The following ZMYM6 variants were observed in gnomAD, a reference collection of about 807,000 sequenced individuals.
ZMYM6 encodes the protein zinc finger MYM-type protein 6.
ZMYM6 carries 90 observed loss-of-function variants against 134.0 expected under a neutral mutation model. The ratio of observed to expected loss-of-function variants is 0.67; its 90% confidence interval spans 0.57 to 0.80. The LOEUF (loss-of-function observed/expected upper bound fraction) is 0.80. ZMYM6 is among the 30% of genes least tolerant of loss of function. The pLI is 0.00. For synonymous variants in ZMYM6, 481 were observed against 524.1 expected (o/e 0.92, Z 1.12); for missense variants, 1,362 against 1,533.9 (o/e 0.89, Z 1.87).
chr1:35,005,341 A>C, intron 12 of ZMYM6, 69 bp from the exon 13 acceptor site: 20 of 1,505,406 alleles, frequency 1.3e-5, no homozygotes, highest in Non-Finnish European at 1.7e-5. Context: ...ACTCACACTC[A>C]CACACAAAAC....
chr1:34,990,911 T>C (rs951792074), intron 15 of ZMYM6, among the ~76,000 whole-genome samples: 3 of 152,118 alleles, frequency 2.0e-5, no homozygotes, highest in East Asian at 1.9e-4. Flanking sequence ...GTTGCCCAGG[T>C]TGGAGCACAA....
intron 2 of ZMYM6, among the ~76,000 whole-genome samples, chr1:35,024,181 T>C (rs960868213): frequency 6.6e-6 from 1 of 152,220 alleles, no homozygotes; most frequent in African/African-American, 2.4e-5. Flanking sequence ...ACTGTCCTGC[T>C]ATCTTACAGG....
rs996432431 is a variant in ZMYM6, at chr1:34,986,914, C to T, written c.*190G>A. On this transcript the variant is annotated 3_prime_UTR_variant, in exon 16 of 16. Transcript: ENST00000357182. ...TTTAATGAAATAACTAAATTTTCTA[C>T]CCTAGATTATAATTATACATAATTA... is the stretch of plus-strand genomic sequence containing the variant. 6 of 368,234 alleles carry T rather than the reference C, an allele frequency of 1.6e-5. No individual in the cohort carries two copies. Among genetic ancestry groups the T allele is most frequent in the Non-Finnish European group, 2.3e-5 (5 of 216,754 alleles). The allele number at this position is 368,234 out of a possible 1,614,324, so 22.8% of individuals were successfully genotyped here.
intron 15 of ZMYM6, chr1:34,989,405 A>T: frequency 4.1e-6 from 1 of 246,060 alleles, no homozygotes; most frequent in Non-Finnish European, 6.1e-6. Flanking sequence ...AAGAAAAAAA[A>T]TTGGCTGGAT....
intron 13 of ZMYM6, among the ~76,000 whole-genome samples, chr1:35,004,468 G>C (rs1640930552): frequency 6.6e-6 from 1 of 152,120 alleles, no homozygotes; most frequent in Non-Finnish European, 1.5e-5. Flanking sequence ...AATTAGCTGG[G>C]TGTAGTGGCA....
chr1:35,010,211 G>A (rs2148452731), intron 10 of ZMYM6, among the ~76,000 whole-genome samples: 1 of 151,604 alleles, frequency 6.6e-6, no homozygotes, highest in Admixed American at 6.6e-5. Context: ...AACAGAGATG[G>A]GGTTTCACCA....
chr1:34,990,506 A>T (rs561777166), intron 15 of ZMYM6, among the ~76,000 whole-genome samples: 25 of 152,188 alleles, frequency 1.6e-4, no homozygotes, highest in African/African-American at 6.0e-4. Context: ...AACAAAAAAA[A>T]AGATGATAGT....
intron 2 of ZMYM6, 28 bp downstream of exon 2, chr1:35,030,519 A>C (rs1191274125): frequency 6.3e-7 from 1 of 1,576,474 alleles, no homozygotes; most frequent in Non-Finnish European, 8.5e-7. Context: ...AATTTTTTTA[A>C]ATTTTTAAAT....
At chr1:35,030,962 A>G (rs1641511543) in intron 1 of ZMYM6, among the ~76,000 whole-genome samples, 2 of 152,240 alleles carry the variant, frequency 1.3e-5, no homozygotes, top group South Asian at 4.1e-4. Context: ...GTTTTTTCCT[A>G]TGTTGAAGGT....
chr1:35,000,351 C>CA (rs909908406), intron 14 of ZMYM6, among the ~76,000 whole-genome samples: 4 of 151,934 alleles, frequency 2.6e-5, no homozygotes, highest in African/African-American at 9.7e-5. Flanking sequence ...GTGATTCTCC[C>CA]ATCTCAGCCT....
chr1:35,019,430 G>A lies in ZMYM6; in HGVS notation c.351C>T (p.Ser117=). 1 of 1,614,114 alleles carries A rather than the reference G, an allele frequency of 6.2e-7. No individual in the cohort carries two copies. Among genetic ancestry groups the A allele is most frequent in the Non-Finnish European group, 8.5e-7 (1 of 1,180,020 alleles). ...HKTGSTQLFC[S]TRCITRHSSP... ...AAGAATGTCTGGTGATGCATCGTGTGGAGCAGAAGAGCTGAGTAGATCCTG... is the reference window on the plus strand; with the variant it reads ...AAGAATGTCTGGTGATGCATCGTGTAGAGCAGAAGAGCTGAGTAGATCCTG... Residue 117 remains serine, a synonymous_variant, in exon 4 of 16, where the codon TCC becomes TCT. Coordinates refer to ENST00000357182, the MANE Select transcript of ZMYM6 (RefSeq NM_007167.4).
intron 2 of ZMYM6, among the ~76,000 whole-genome samples, chr1:35,026,311 G>A (rs1327178284): frequency 3.3e-5 from 5 of 152,282 alleles, no homozygotes; most frequent in South Asian, 2.1e-4. Flanking sequence ...ACAAGCCACC[G>A]CGCCTGGCCT....
intron 4 of ZMYM6, chr1:35,018,526 C>T (rs1249735410): frequency 1.3e-5 from 2 of 151,324 alleles, no homozygotes; most frequent in Non-Finnish European, 2.9e-5. Context: ...TAAATAATCG[C>T]ACGATATAAT....
chr1:34,994,993 G>T (rs116316062), intron 14 of ZMYM6, among the ~76,000 whole-genome samples: 1,620 of 135,704 alleles, frequency 0.012, 39 homozygotes, highest in African/African-American at 0.043. Context: ...ATATCTATAT[G>T]TATATATGTA....
chr1:35,019,617 T>A lies in ZMYM6; in HGVS notation c.179-15A>T, dbSNP rs1557584322. The A allele has an allele frequency of 1.9e-6, 3 of 1,566,586 alleles. No homozygotes were observed. Among genetic ancestry groups the A allele is most frequent in the Admixed American group, 4.2e-5 (2 of 47,682 alleles). On this transcript the variant is annotated splice_polypyrimidine_tract_variant and intron_variant, in intron 3 of 15. Coordinates refer to ENST00000357182, the MANE Select transcript of ZMYM6 (RefSeq NM_007167.4). ...CAACTGCTGGGCTATCAAAACAAAATAAAAAAAGTTTTAGTATCAATACTA... is the reference window on the plus strand; with the variant it reads ...CAACTGCTGGGCTATCAAAACAAAAAAAAAAAAGTTTTAGTATCAATACTA...
chr1:35,010,378 G>C, intron 10 of ZMYM6, 69 bp downstream of exon 10: 1 of 1,528,598 alleles, frequency 6.5e-7, no homozygotes, highest in Non-Finnish European at 8.8e-7. Flanking sequence ...ACTAATCATG[G>C]CTTAATTGCC....
chr1:34,990,499 A>C (rs750479508), intron 15 of ZMYM6, among the ~76,000 whole-genome samples: 4 of 151,194 alleles, frequency 2.6e-5, no homozygotes, highest in Non-Finnish European at 4.4e-5. Flanking sequence ...AAAAACAAAC[A>C]AAAAAAAAGA....
At chr1:34,996,998 T>C (rs1640796654) in intron 14 of ZMYM6, among the ~76,000 whole-genome samples, 1 of 152,212 alleles carries the variant, frequency 6.6e-6, no homozygotes, top group Non-Finnish European at 1.5e-5. Context: ...CATGCTTCAT[T>C]TCATAAATGT....
chr1:34,996,743 T>A (rs1217051307), intron 14 of ZMYM6, among the ~76,000 whole-genome samples: 1 of 152,218 alleles, frequency 6.6e-6, no homozygotes, highest in Non-Finnish European at 1.5e-5. Context: ...TTGTTCAGTT[T>A]TAACTACAGC....
Sources: gnomAD v4.1 joint callset for allele counts (sites outside exome capture counted in the v4.1 genomes callset) on GRCh38, gnomAD v4.1.1 for gene constraint, MANE v1.5 for transcripts, NCBI Gene and HGNC (gene_info 2026-07-23, HGNC 2026-07-21) for gene names.